Variants in NRXN1 observed in about 807,000 individuals in gnomAD.
The protein encoded by NRXN1 is neurexin 1, also known as neurexin-1.
In NRXN1, 39 loss-of-function variants were observed where a neutral mutation model predicts 150.9. The observed-to-expected ratio is 0.26, with a 90% CI of 0.20 to 0.34. NRXN1 has a LOEUF of 0.34. Among genes scored for constraint, NRXN1 ranks in the 10% least tolerant of loss-of-function variants. The pLI, the probability that NRXN1 is intolerant of heterozygous loss-of-function variation, is 1.00. For synonymous variants in NRXN1, 924 were observed against 757.0 expected, an observed-to-expected ratio of 1.22 and a Z score of -3.62; for missense variants, 1,815 against 1,949.9, an observed-to-expected ratio of 0.93 and a Z score of 1.30.
intron 5 of NRXN1, among the ~76,000 whole-genome samples, chr2:50,649,880 G>C (rs1158380992): frequency 1.3e-5 from 2 of 151,952 alleles, no homozygotes; most frequent in Admixed American, 6.6e-5. Flanking sequence ...AATTGCCCTT[G>C]TTCTGTCCCT....
chr2:50,846,003 T>C (rs1326271811), intron 5 of NRXN1, among the ~76,000 whole-genome samples: 1 of 152,204 alleles, frequency 6.6e-6, no homozygotes, highest in Non-Finnish European at 1.5e-5. Context: ...GCTTTAGAGA[T>C]TACTGTTTCT....
intron 5 of NRXN1, among the ~76,000 whole-genome samples, chr2:50,639,222 C>CTT (rs34380621): frequency 4.5e-4 from 62 of 137,366 alleles, no homozygotes; most frequent in South Asian, 3.3e-3. Context: ...TTCTTTCTTT[C>CTT]TTTTTTTTTT....
chr2:50,941,435 C>G (rs573830395), intron 2 of NRXN1, among the ~76,000 whole-genome samples: 81 of 152,266 alleles, frequency 5.3e-4, no homozygotes, highest in Admixed American at 2.6e-3. Context: ...TTCCTAGAGT[C>G]TTGTTGAATG....
At chr2:50,232,387 C>CTTTTTTTTTTTTTT (rs56846249) in intron 18 of NRXN1, among the ~76,000 whole-genome samples, 5 of 55,230 alleles carry the variant, frequency 9.1e-5, no homozygotes, top group East Asian at 3.5e-4. Context: ...CTTTTCTTTT[C>CTTTTTTTTTTTTTT]TTTTTTTTTT....
chr2:51,013,802 C>T (rs1245700667), intron 2 of NRXN1, among the ~76,000 whole-genome samples: 2 of 152,034 alleles, frequency 1.3e-5, no homozygotes, highest in East Asian at 3.9e-4. Context: ...TAAACCAGCA[C>T]AATTTTGTTC....
chr2:50,038,266 A>C (rs1182752805), intron 21 of NRXN1, among the ~76,000 whole-genome samples: 3 of 152,144 alleles, frequency 2.0e-5, no homozygotes, highest in African/African-American at 7.2e-5. Context: ...CCCCTATGTA[A>C]TGTCCTTCGC....
At chr2:50,393,053 A>C (rs2081835155) in intron 17 of NRXN1, among the ~76,000 whole-genome samples, 1 of 152,124 alleles carries the variant, frequency 6.6e-6, no homozygotes, top group Non-Finnish European at 1.5e-5. Context: ...AATTGCAGGC[A>C]ACAAACCCAA....
chr2:50,380,293 T>C lies in NRXN1; in HGVS notation c.3364+85149A>G, dbSNP rs73930355. Among the ~76,000 whole-genome samples, 141 of 148,940 alleles carry C rather than the reference T, an allele frequency of 9.5e-4. 1 individual carries two copies. The highest frequency in any genetic ancestry group is 3.1e-3 in the African/African-American group (122 of 39,798). ...GACCACATATGTGTGTGTGTGTGTGTGTGCGTGTGTGTGTGTATTTTTTTT... is the reference window on the plus strand; with the variant it reads ...GACCACATATGTGTGTGTGTGTGTGCGTGCGTGTGTGTGTGTATTTTTTTT... On this transcript the variant is annotated intron_variant, in intron 17 of 22. Transcript: ENST00000401669.
intron 17 of NRXN1, among the ~76,000 whole-genome samples, chr2:50,444,292 G>A (rs187229642): frequency 6.6e-6 from 1 of 152,180 alleles, no homozygotes; most frequent in Non-Finnish European, 1.5e-5. Flanking sequence ...ATAGAAAACA[G>A]TGTGGGACAG....
chr2:50,374,294 A>AAAATAAATAAATAAATAAAT (rs71404951), intron 17 of NRXN1, among the ~76,000 whole-genome samples: 2 of 136,532 alleles, frequency 1.5e-5, no homozygotes, highest in East Asian at 2.2e-4. Context: ...CTGTCTCAAG[A>AAAATAAATAAATAAATAAAT]AAATAAATAA....
chr2:50,439,203 A>G (rs1367858123), intron 17 of NRXN1, among the ~76,000 whole-genome samples: 1 of 152,240 alleles, frequency 6.6e-6, no homozygotes, highest in Non-Finnish European at 1.5e-5. Context: ...ATGCAGTTGT[A>G]GCTAGGTTGC....
intron 19 of NRXN1, among the ~76,000 whole-genome samples, chr2:50,059,019 A>C (rs1052470490): frequency 6.6e-6 from 1 of 152,188 alleles, no homozygotes; most frequent in African/African-American, 2.4e-5. Flanking sequence ...TACTGTTATT[A>C]AGATACCTGA....
chr2:50,331,818 A>G (rs2076850928), intron 17 of NRXN1, among the ~76,000 whole-genome samples: 1 of 152,180 alleles, frequency 6.6e-6, no homozygotes, highest in Non-Finnish European at 1.5e-5. Flanking sequence ...AAAAAGTCGT[A>G]AGTTGAAGAT....
chr2:49,956,083 T>C (rs1674887206), intron 21 of NRXN1, among the ~76,000 whole-genome samples: 1 of 152,140 alleles, frequency 6.6e-6, no homozygotes, highest in Non-Finnish European at 1.5e-5. Flanking sequence ...CACTGTATAT[T>C]CAAGGTTGCA....
At chr2:49,969,570 T>C (rs572897930) in intron 21 of NRXN1, 1 of 152,160 alleles carries the variant, frequency 6.6e-6, no homozygotes, top group Middle Eastern at 3.4e-3. Flanking sequence ...ATTACATATA[T>C]ATAATCTATA....
intron 21 of NRXN1, among the ~76,000 whole-genome samples, chr2:50,052,683 C>T (rs1692910207): frequency 6.6e-6 from 1 of 152,088 alleles, no homozygotes; most frequent in South Asian, 2.1e-4. Flanking sequence ...TAATCACATA[C>T]ACAAAATACC....
chr2:50,501,478 G>A (rs186274232), intron 13 of NRXN1, among the ~76,000 whole-genome samples: 187 of 151,440 alleles, frequency 1.2e-3, no homozygotes, highest in African/African-American at 4.5e-3. Flanking sequence ...GGCAGTTATA[G>A]TAGAAATGAA....
chr2:50,714,716 C>A (rs1695638343), intron 5 of NRXN1, among the ~76,000 whole-genome samples: 1 of 152,114 alleles, frequency 6.6e-6, no homozygotes, highest in Non-Finnish European at 1.5e-5. Flanking sequence ...AATTGTACTA[C>A]CAAATGTCAA....
At chr2:50,458,243 G>C (rs1373040627) in intron 17 of NRXN1, among the ~76,000 whole-genome samples, 1 of 152,096 alleles carries the variant, frequency 6.6e-6, no homozygotes, top group African/African-American at 2.4e-5. Flanking sequence ...ACCTCTTGGA[G>C]ACAGTGAATA....
Sources: allele counts gnomAD v4.1 joint callset (sites outside exome capture counted in the v4.1 genomes callset), GRCh38; gene constraint gnomAD v4.1.1; transcripts MANE v1.5; gene names NCBI Gene and HGNC (gene_info 2026-07-23, HGNC 2026-07-21).